LIPA: variants seen among roughly 807,000 people sequenced by gnomAD.
LIPA encodes lysosomal acid lipase/cholesteryl ester hydrolase.
In LIPA, 26 loss-of-function variants were observed where a neutral mutation model predicts 40.6. The observed-to-expected ratio is 0.64, with a 90% CI of 0.47 to 0.89. The LOEUF is 0.89. LIPA is among the 40% of genes least tolerant of loss of function. The pLI is 0.00. For missense variants in LIPA, 455 were observed against 479.6 expected, an observed-to-expected ratio of 0.95 and a Z score of 0.48; for synonymous variants, 188 against 168.4, an observed-to-expected ratio of 1.12 and a Z score of -0.90.
intron 1 of LIPA, among the ~76,000 whole-genome samples, chr10:89,329,896 A>G (rs961341548): frequency 1.3e-5 from 2 of 151,994 alleles, no homozygotes; most frequent in Non-Finnish European, 2.9e-5. Context: ...GGGTGGGGCC[A>G]TTTTATAAGA....
chr10:89,305,631 A>AAATAAAACC (rs1229031329), intron 1 of LIPA, among the ~76,000 whole-genome samples: 2 of 152,170 alleles, frequency 1.3e-5, no homozygotes, highest in South Asian at 4.1e-4. Flanking sequence ...AAAACTACAT[A>AAATAAAACC]AATAAAACCA....
At chr10:89,256,955 G>A (rs893144452) in intron 1 of LIPA, among the ~76,000 whole-genome samples, 1 of 152,132 alleles carries the variant, frequency 6.6e-6, no homozygotes, top group South Asian at 2.1e-4. Flanking sequence ...ATAAGAAAAT[G>A]ATATTTATTC....
At chr10:89,328,265 G>C (rs1052501701) in intron 1 of LIPA, among the ~76,000 whole-genome samples, 2 of 152,146 alleles carry the variant, frequency 1.3e-5, no homozygotes, top group South Asian at 2.1e-4. Context: ...GTACACACAG[G>C]CTTCTTAAGT....
intron 1 of LIPA, among the ~76,000 whole-genome samples, chr10:89,303,689 A>T (rs911916169): frequency 7.9e-5 from 12 of 152,220 alleles, no homozygotes; most frequent in Non-Finnish European, 2.9e-5. Flanking sequence ...TTTATGTTTT[A>T]TATGGTGGAG....
At chr10:89,350,343 G>T (rs1304100894) in intron 2 of LIPA, among the ~76,000 whole-genome samples, 1 of 119,126 alleles carries the variant, frequency 8.4e-6, no homozygotes, top group Admixed American at 9.2e-5. Context: ...GTCTTGCTCT[G>T]TGGCCAGGCT....
rs114850284 is a variant in LIPA at position 89,412,712 on chromosome 10, G to A, written c.61+79C>T. 9.0e-4 allele frequency: 377 copies of A among 419,924 alleles called. 2 individuals are homozygous for A. The highest frequency in any genetic ancestry group is 6.8e-3 in the African/African-American group (323 of 47,694). The allele number at this position is 419,924 out of a possible 1,614,324, so 26.0% of individuals were successfully genotyped here. ...CCGGGAGGAACGAACAACTCCGGAC[G>A]CGCCACCTTTAAGATCTGTAACACT... On this transcript the variant is annotated intron_variant, in intron 2 of 8. Transcript: ENST00000371837.
chr10:89,286,455 G>A (rs61343655), intron 1 of LIPA, among the ~76,000 whole-genome samples: 7,537 of 152,074 alleles, frequency 0.05, 249 homozygotes, highest in Admixed American at 0.1. Context: ...TTCGTTCTGC[G>A]ACTAGCCCTC....
chr10:89,380,890 G>A (rs573465944), intron 2 of LIPA, among the ~76,000 whole-genome samples: 1 of 152,288 alleles, frequency 6.6e-6, no homozygotes, highest in African/African-American at 2.4e-5. Context: ...CCCAAGTCAA[G>A]AAGATACATG....
intron 2 of LIPA, chr10:89,402,347 G>C: frequency 6.2e-7 from 1 of 1,614,160 alleles, no homozygotes; most frequent in Non-Finnish European, 8.5e-7. Flanking sequence ...TTACATGGGA[G>C]TTATCCATTG....
intron 1 of LIPA, among the ~76,000 whole-genome samples, chr10:89,413,173 G>C (rs304438): frequency 6.6e-6 from 1 of 152,142 alleles, no homozygotes; most frequent in East Asian, 1.9e-4. Context: ...TGTATTTAGA[G>C]TTCATAAAAT....
intron 1 of LIPA, among the ~76,000 whole-genome samples, chr10:89,258,752 G>C (rs1305400552): frequency 6.6e-6 from 1 of 152,108 alleles, no homozygotes; most frequent in Non-Finnish European, 1.5e-5. Flanking sequence ...ACTTGTACAT[G>C]AATGTTCATA....
intron 2 of LIPA, among the ~76,000 whole-genome samples, chr10:89,394,627 TAAA>T (rs200724657): frequency 2.8e-5 from 1 of 35,094 alleles, no homozygotes; most frequent in African/African-American, 1.1e-4. Flanking sequence ...TATATATATA[TAAA>T]ACTTGAATTT....
intron 2 of LIPA, among the ~76,000 whole-genome samples, chr10:89,411,992 G>A (rs1841473147): frequency 6.6e-6 from 1 of 152,176 alleles, no homozygotes. Context: ...TCAAGCTACA[G>A]ATGGTCTTAC....
chr10:89,373,441 T>TTAC (rs1437718394), intron 2 of LIPA, among the ~76,000 whole-genome samples: 2 of 151,530 alleles, frequency 1.3e-5, no homozygotes, highest in East Asian at 3.9e-4. Context: ...GGTATGAAGA[T>TTAC]TACCAGGACT....
chr10:89,287,477 A>T (rs1185356986), intron 1 of LIPA, among the ~76,000 whole-genome samples: 2 of 152,106 alleles, frequency 1.3e-5, no homozygotes, highest in Non-Finnish European at 2.9e-5. Flanking sequence ...TAACCAAATT[A>T]TCTGCTTCCC....
chr10:89,295,030 G>T (rs867459823), intron 1 of LIPA, among the ~76,000 whole-genome samples: 1,551 of 131,670 alleles, frequency 0.012, 12 homozygotes, highest in Middle Eastern at 0.027. Flanking sequence ...TGAAAGGAAA[G>T]GAAAGGAAAG....
chr10:89,267,827 T>C (rs906175980), intron 1 of LIPA, among the ~76,000 whole-genome samples: 1 of 151,030 alleles, frequency 6.6e-6, no homozygotes. Context: ...GTGCCGCCTG[T>C]CAACAAAACC....
chr10:89,367,741 G>A (rs186998697), intron 2 of LIPA, among the ~76,000 whole-genome samples: 21 of 152,308 alleles, frequency 1.4e-4, no homozygotes, highest in African/African-American at 2.4e-4. Context: ...AGTTTTGAGC[G>A]TTTGTGTGTG....
chr10:89,238,668 T>C (rs919020537), intron 3 of LIPA, among the ~76,000 whole-genome samples: 5 of 152,188 alleles, frequency 3.3e-5, no homozygotes, highest in African/African-American at 1.2e-4. Context: ...ATGAAGACCT[T>C]TATGATGATC....
Sources: allele counts gnomAD v4.1 joint callset (sites outside exome capture counted in the v4.1 genomes callset), GRCh38; gene constraint gnomAD v4.1.1; transcripts MANE v1.5; gene names NCBI Gene and HGNC (gene_info 2026-07-23, HGNC 2026-07-21).